The following MOB3B variants were observed in gnomAD, a reference collection of about 807,000 sequenced individuals.
MOB3B encodes the protein MOB kinase activator-like 2B.
MOB3B carries 7 observed loss-of-function variants against 18.7 expected under a neutral mutation model. The observed-to-expected ratio is 0.37, with a 90% CI of 0.21 to 0.70. MOB3B has a LOEUF of 0.70. Among genes scored for constraint, MOB3B ranks in the 30% least tolerant of loss-of-function variants. MOB3B has a pLI of 0.52. For synonymous variants in MOB3B, 111 were observed against 99.9 expected, an observed-to-expected ratio of 1.11 and a Z score of -0.66; for missense variants, 253 against 281.3, an observed-to-expected ratio of 0.90 and a Z score of 0.72.
chr9:27,506,384 C>A (rs1820059310), intron 1 of MOB3B, among the ~76,000 whole-genome samples: 1 of 152,180 alleles, frequency 6.6e-6, no homozygotes, highest in African/African-American at 2.4e-5. Context: ...CAAGCCCATA[C>A]CAGGCTATGT....
chr9:27,345,764 A>G (rs1821024036), intron 3 of MOB3B, among the ~76,000 whole-genome samples: 2 of 152,112 alleles, frequency 1.3e-5, no homozygotes, highest in African/African-American at 4.8e-5. Context: ...TATGTGCACT[A>G]TGTGTATTTC....
At chr9:27,331,729 G>C (rs1042708429) in intron 3 of MOB3B, among the ~76,000 whole-genome samples, 1 of 152,110 alleles carries the variant, frequency 6.6e-6, no homozygotes, top group African/African-American at 2.4e-5. Context: ...TTAGATGAAC[G>C]ATCTTCCAAG....
chr9:27,527,679 T>C (rs1020748799), intron 1 of MOB3B, among the ~76,000 whole-genome samples: 1 of 152,194 alleles, frequency 6.6e-6, no homozygotes, highest in Non-Finnish European at 1.5e-5. Context: ...GAGGGACTCA[T>C]TGGGGATCCC....
chr9:27,497,990 A>T (rs10967965), intron 1 of MOB3B, among the ~76,000 whole-genome samples: 22,815 of 152,228 alleles, frequency 0.15, 2,196 homozygotes, highest in Middle Eastern at 0.23. Flanking sequence ...AGTGATGGAA[A>T]CCATGAATAT....
At chr9:27,519,239 T>G (rs1820287762) in intron 1 of MOB3B, among the ~76,000 whole-genome samples, 1 of 152,130 alleles carries the variant, frequency 6.6e-6, no homozygotes. Context: ...AACAAATAAT[T>G]ATTGAGCACC....
At chr9:27,509,953 G>A (rs944792387) in intron 1 of MOB3B, among the ~76,000 whole-genome samples, 13 of 152,214 alleles carry the variant, frequency 8.5e-5, no homozygotes, top group Non-Finnish European at 1.5e-5. Flanking sequence ...TCGAAGTCCT[G>A]ACCTCAGATG....
intron 1 of MOB3B, among the ~76,000 whole-genome samples, chr9:27,459,605 G>A (rs1315536659): frequency 6.6e-6 from 1 of 152,072 alleles, no homozygotes; most frequent in Non-Finnish European, 1.5e-5. Flanking sequence ...CTTCAGTTGA[G>A]TGTGGGTATG....
chr9:27,330,493 G>C lies in MOB3B; in HGVS notation c.*94C>G, dbSNP rs1820770363. ...TCCACCTCTGCTGTTCCTGGGAGTA[G>C]GTGTGTCATTTCAGCCAGGGTGGTC... On this transcript the variant is annotated 3_prime_UTR_variant, in exon 4 of 4. Transcript: ENST00000262244. 6.5e-7 allele frequency: 1 copy of C among 1,546,628 alleles called. No homozygotes were observed. Among genetic ancestry groups the C allele is most frequent in the African/African-American group, 1.4e-5 (1 of 73,378 alleles).
chr9:27,465,852 C>A (rs1819375469), intron 1 of MOB3B, among the ~76,000 whole-genome samples: 2 of 152,190 alleles, frequency 1.3e-5, no homozygotes, highest in South Asian at 4.1e-4. Context: ...GGCTGGGACA[C>A]AGGGCACCAA....
At chr9:27,528,296 T>C (rs10757664) in intron 1 of MOB3B, among the ~76,000 whole-genome samples, 60,746 of 152,174 alleles carry the variant, frequency 0.4, 14,340 homozygotes, top group East Asian at 0.59. Flanking sequence ...CCCACTGCCC[T>C]AGCAGCGGCC....
rs1820501066 is a variant in MOB3B, at chr9:27,529,685, C to T, written c.-329G>A. On this transcript the variant is annotated 5_prime_UTR_variant, in exon 1 of 4. Coordinates refer to ENST00000262244, the MANE Select transcript of MOB3B (RefSeq NM_024761.5). ...TGCCAATCCACGCAAGGGACTCTGC[C>T]GCCGGTGCGCGAGGTCCCGGCGAGC... The T allele has an allele frequency of 1.0e-6, 1 of 985,396 alleles. No individual in the cohort carries two copies. Among genetic ancestry groups the T allele is most frequent in the Middle Eastern group, 5.2e-4 (1 of 1,912 alleles). 61.0% of individuals were successfully genotyped at this position (985,396 alleles called of 1,614,324 possible). A position where few individuals can be genotyped will look rare whatever the true frequency, so the allele number is the denominator to read the frequency against.
intron 1 of MOB3B, among the ~76,000 whole-genome samples, chr9:27,478,530 G>C (rs1819595834): frequency 6.6e-6 from 1 of 151,954 alleles, no homozygotes; most frequent in African/African-American, 2.4e-5. Context: ...TTGCATATTA[G>C]ATACAGCTGA....
At chr9:27,461,993 T>C (rs1819295985) in intron 1 of MOB3B, among the ~76,000 whole-genome samples, 1 of 152,148 alleles carries the variant, frequency 6.6e-6, no homozygotes, top group South Asian at 2.1e-4. Flanking sequence ...TTTTCTGAAA[T>C]AAAGAGAATA....
At chr9:27,401,331 TG>T (rs1821875069) in intron 2 of MOB3B, among the ~76,000 whole-genome samples, 1 of 152,192 alleles carries the variant, frequency 6.6e-6, no homozygotes, top group Non-Finnish European at 1.5e-5. Context: ...AACTTCCCTC[TG>T]GATCTTAGTG....
At chr9:27,349,428 C>A (rs530630268) in intron 3 of MOB3B, among the ~76,000 whole-genome samples, 1 of 152,128 alleles carries the variant, frequency 6.6e-6, no homozygotes, top group African/African-American at 2.4e-5. Context: ...AGTTAATACT[C>A]GCTTGACATT....
chr9:27,429,213 G>A (rs151214078), intron 2 of MOB3B, among the ~76,000 whole-genome samples: 180 of 152,244 alleles, frequency 1.2e-3, no homozygotes, highest in Non-Finnish European at 2.3e-3. Flanking sequence ...AAGAGGTCTT[G>A]GTTGGCTTTA....
intron 1 of MOB3B, among the ~76,000 whole-genome samples, chr9:27,485,188 A>T (rs983804999): frequency 1.3e-5 from 2 of 152,172 alleles, no homozygotes; most frequent in Non-Finnish European, 2.9e-5. Flanking sequence ...AACTCATTTA[A>T]TCCTCGAAAC....
chr9:27,432,953 G>A (rs962375386), intron 2 of MOB3B, among the ~76,000 whole-genome samples: 2 of 152,170 alleles, frequency 1.3e-5, no homozygotes, highest in Non-Finnish European at 2.9e-5. Flanking sequence ...CTATTCATCT[G>A]AGAGACAGAC....
intron 2 of MOB3B, among the ~76,000 whole-genome samples, chr9:27,405,884 T>C (rs149992680): frequency 3.3e-5 from 5 of 152,332 alleles, no homozygotes; most frequent in East Asian, 1.9e-4. Context: ...CATTGATTCA[T>C]GATAAAAACT....
Sources: gnomAD v4.1 joint callset for allele counts (sites outside exome capture counted in the v4.1 genomes callset) on GRCh38, gnomAD v4.1.1 for gene constraint, MANE v1.5 for transcripts, NCBI Gene and HGNC (gene_info 2026-07-23, HGNC 2026-07-21) for gene names.